SORCS1: variants seen among roughly 807,000 people sequenced by gnomAD.
SORCS1 encodes sortilin related VPS10 domain containing receptor 1, also known as VPS10 domain-containing receptor SorCS1.
Under a neutral mutation model 146.1 loss-of-function variants are expected in SORCS1, and 60 were observed. The ratio of observed to expected loss-of-function variants is 0.41; its 90% confidence interval spans 0.33 to 0.51. SORCS1 has a LOEUF of 0.51. SORCS1 is among the 20% of genes least tolerant of loss of function. The probability of loss-of-function intolerance (pLI) is 0.21; values close to 1 mark genes in which losing one functional copy is unlikely to be tolerated. For missense variants in SORCS1, 1,352 were observed against 1,487.6 expected, an observed-to-expected ratio of 0.91 and a Z score of 1.50; for synonymous variants, 637 against 584.0, an observed-to-expected ratio of 1.09 and a Z score of -1.31.
At chr10:106,709,549 C>T (rs1411347421) in intron 6 of SORCS1, among the ~76,000 whole-genome samples, 6 of 150,614 alleles carry the variant, frequency 4.0e-5, no homozygotes, top group Admixed American at 1.3e-4. Flanking sequence ...CCCGGGTTCA[C>T]GCCATTCTCC....
At chr10:107,014,146 G>A (rs1029276459) in intron 1 of SORCS1, among the ~76,000 whole-genome samples, 1 of 151,934 alleles carries the variant, frequency 6.6e-6, no homozygotes, top group African/African-American at 2.4e-5. Flanking sequence ...CAGCTACTTG[G>A]GTGGCTGAGG....
chr10:107,002,018 AT>A (rs1957243789), intron 1 of SORCS1, among the ~76,000 whole-genome samples: 2 of 152,332 alleles, frequency 1.3e-5, no homozygotes, highest in South Asian at 4.1e-4. Flanking sequence ...GAAGGAAAAA[AT>A]ATCCAAGAAT....
At chr10:106,986,227 G>T (rs1272257391) in intron 1 of SORCS1, among the ~76,000 whole-genome samples, 1 of 146,910 alleles carries the variant, frequency 6.8e-6, no homozygotes, top group Non-Finnish European at 1.5e-5. Context: ...CATACAGCAT[G>T]TATATTCATA....
intron 17 of SORCS1, among the ~76,000 whole-genome samples, chr10:106,664,044 C>T (rs147205820): frequency 4.6e-5 from 7 of 152,246 alleles, no homozygotes; most frequent in East Asian, 1.9e-4. Context: ...ACGGAACAGA[C>T]GAAACCAGTG....
intron 1 of SORCS1, among the ~76,000 whole-genome samples, chr10:106,962,967 C>T (rs566355708): frequency 6.6e-6 from 1 of 152,026 alleles, no homozygotes; most frequent in South Asian, 2.1e-4. Flanking sequence ...TTGCTGGAGA[C>T]CAATTGTTTA....
rs114582350 is a variant in SORCS1, at chr10:106,833,276, G to C, written c.627-3603C>G. On this transcript the variant is annotated intron_variant, in intron 2 of 25. Transcript: ENST00000263054. ...CCCAAATTTTGATAATTCTCCACTA[G>C]AGCAGAATTGCCTATTTAAACATCA... Among the ~76,000 whole-genome samples the C allele has an allele frequency of 5.0e-3, 766 of 152,188 alleles. 7 individuals carry two copies. Among genetic ancestry groups the C allele is most frequent in the African/African-American group, 0.017 (711 of 41,506 alleles).
At chr10:106,843,533 G>A (rs981350329) in intron 2 of SORCS1, among the ~76,000 whole-genome samples, 12 of 143,198 alleles carry the variant, frequency 8.4e-5, no homozygotes, top group East Asian at 6.5e-4. Context: ...CCAGGTTCAC[G>A]CCATTCTCCC....
chr10:106,916,731 T>C (rs1952452497), intron 2 of SORCS1, among the ~76,000 whole-genome samples: 2 of 151,488 alleles, frequency 1.3e-5, no homozygotes, highest in Middle Eastern at 3.2e-3. Flanking sequence ...CTTCACAAAG[T>C]AGAGGGTTTA....
intron 17 of SORCS1, among the ~76,000 whole-genome samples, chr10:106,658,900 T>C (rs1004930186): frequency 2.6e-5 from 4 of 152,154 alleles, no homozygotes; most frequent in African/African-American, 9.7e-5. Context: ...TCTCCTATTA[T>C]ATATACCAGA....
At chr10:106,936,616 T>C (rs1321451388) in intron 2 of SORCS1, among the ~76,000 whole-genome samples, 1 of 152,176 alleles carries the variant, frequency 6.6e-6, no homozygotes, top group Non-Finnish European at 1.5e-5. Flanking sequence ...GAATAAGTTT[T>C]TGTGAATGCT....
intron 1 of SORCS1, among the ~76,000 whole-genome samples, chr10:107,133,760 T>C (rs1173568867): frequency 6.6e-6 from 1 of 152,196 alleles, no homozygotes; most frequent in Non-Finnish European, 1.5e-5. Flanking sequence ...TTTTCTAACA[T>C]TCAGAACTTT....
intron 14 of SORCS1, among the ~76,000 whole-genome samples, chr10:106,673,838 C>T (rs1465070508): frequency 6.6e-6 from 1 of 152,106 alleles, no homozygotes; most frequent in Non-Finnish European, 1.5e-5. Context: ...AATTACCAAC[C>T]ATAGGTTTGA....
chr10:106,857,039 T>C (rs138965663), intron 2 of SORCS1, among the ~76,000 whole-genome samples: 19 of 152,290 alleles, frequency 1.2e-4, no homozygotes, highest in Admixed American at 2.6e-4. Flanking sequence ...TTCACCTCTC[T>C]TCCTTCTGAT....
At chr10:106,862,726 A>G (rs911969479) in intron 2 of SORCS1, among the ~76,000 whole-genome samples, 1 of 142,862 alleles carries the variant, frequency 7.0e-6, no homozygotes, top group Non-Finnish European at 1.5e-5. Flanking sequence ...CAGGCGGATC[A>G]TGAGGTCAGG....
chr10:106,967,594 T>C (rs1571352), intron 1 of SORCS1, among the ~76,000 whole-genome samples: 25,332 of 152,078 alleles, frequency 0.17, 2,427 homozygotes, highest in East Asian at 0.28. Context: ...GGCCAGGGAA[T>C]AGGGGGAGAA....
intron 18 of SORCS1, among the ~76,000 whole-genome samples, chr10:106,633,709 A>G (rs1273635719): frequency 2.6e-5 from 4 of 152,224 alleles, no homozygotes; most frequent in African/African-American, 4.8e-5. Flanking sequence ...GCAGAAAATT[A>G]TATGCACCTT....
chr10:106,736,479 C>T (rs1211700344), intron 5 of SORCS1, among the ~76,000 whole-genome samples: 2 of 152,084 alleles, frequency 1.3e-5, no homozygotes, highest in Non-Finnish European at 2.9e-5. Flanking sequence ...CTGTCTGCTA[C>T]CAAAGTGCCT....
chr10:106,760,250 C>G (rs997536589), intron 5 of SORCS1, among the ~76,000 whole-genome samples: 3 of 151,852 alleles, frequency 2.0e-5, no homozygotes, highest in African/African-American at 7.3e-5. Context: ...CGAGACCATC[C>G]TGGCTAACAC....
chr10:106,949,450 C>A (rs1954559832), intron 2 of SORCS1, among the ~76,000 whole-genome samples: 1 of 152,120 alleles, frequency 6.6e-6, no homozygotes, highest in Non-Finnish European at 1.5e-5. Flanking sequence ...GGTGAGTTCC[C>A]TCCAGCCTGA....
Sources: gnomAD v4.1 joint callset for allele counts (sites outside exome capture counted in the v4.1 genomes callset) on GRCh38, gnomAD v4.1.1 for gene constraint, MANE v1.5 for transcripts, NCBI Gene and HGNC (gene_info 2026-07-23, HGNC 2026-07-21) for gene names.